The following PTPRF variants were observed in gnomAD, a reference collection of about 807,000 sequenced individuals.
The protein encoded by PTPRF is protein tyrosine phosphatase receptor type F.
In PTPRF, 59 loss-of-function variants were observed where a neutral mutation model predicts 201.8. The ratio of observed to expected loss-of-function variants is 0.29; its 90% CI spans 0.24 to 0.36. The LOEUF (loss-of-function observed/expected upper bound fraction) is 0.36. PTPRF is among the 10% of genes least tolerant of loss of function. The pLI is 1.00. For synonymous variants in PTPRF, 1,088 were observed against 1,089.7 expected, an observed-to-expected ratio of 1.00 and a Z score of 0.03; for missense variants, 2,132 against 2,690.5, an observed-to-expected ratio of 0.79 and a Z score of 4.59.
intron 16 of PTPRF, among the ~76,000 whole-genome samples, chr1:43,604,422 T>A (rs1557831658): frequency 6.6e-6 from 1 of 152,242 alleles, no homozygotes. Context: ...TGATCTCTTG[T>A]GACCTTGACC....
intron 1 of PTPRF, among the ~76,000 whole-genome samples, chr1:43,531,509 C>T (rs1643508520): frequency 6.8e-6 from 1 of 147,132 alleles, no homozygotes; most frequent in Admixed American, 6.7e-5. Context: ...CCCTCAGACC[C>T]CCCAGCCCCG....
chr1:43,548,449 A>T (rs1486677512), intron 3 of PTPRF, among the ~76,000 whole-genome samples: 1 of 151,840 alleles, frequency 6.6e-6, no homozygotes, highest in Admixed American at 6.5e-5. Flanking sequence ...GTCTGTCGTC[A>T]TGCTCTCCCC....
chr1:43,617,533 A>G lies in PTPRF; in HGVS notation c.4160A>G (p.Tyr1387Cys). The G allele has an allele frequency of 6.2e-7, 1 of 1,614,070 alleles. No homozygotes were observed. Among genetic ancestry groups the G allele is most frequent in the Non-Finnish European group, 8.5e-7 (1 of 1,180,010 alleles). Reference protein sequence around the residue: ...PKNRYANVIAYDHSRVILTSI... With the variant: ...PKNRYANVIACDHSRVILTSI... ...AACCGCTATGCGAATGTCATCGCCT[A>G]CGACCACTCTCGAGTCATCCTTACC... Residue 1387 changes from tyrosine to cysteine, a missense_variant, in exon 24 of 34, where the codon TAC (tyrosine) becomes TGC (cysteine). Coordinates refer to ENST00000359947, the MANE Select transcript of PTPRF (RefSeq NM_002840.5).
intron 7 of PTPRF, among the ~76,000 whole-genome samples, chr1:43,584,094 C>T (rs887205958): frequency 1.2e-4 from 18 of 152,120 alleles, no homozygotes; most frequent in Admixed American, 6.5e-5. Flanking sequence ...CTTGGTTTTC[C>T]GCCCCACCCT....
rs1329480906 is a variant in PTPRF, at chr1:43,553,148, G to A, written c.92-344G>A. On this transcript the variant is annotated intron_variant, in intron 3 of 33. Transcript: ENST00000359947. The surrounding 1 kb of genome is among the most constrained non-coding windows in gnomAD (Gnocchi z 4.1). ...CTGGAGCTTGGAATTGATGTGGGGC[G>A]GGCAACAGAAGGGTGCAGTGGTAGT... Among the ~76,000 whole-genome samples the A allele has an allele frequency of 1.3e-5, 2 of 152,234 alleles. No homozygotes were observed. The highest frequency in any genetic ancestry group is 2.1e-4 in the South Asian group (1 of 4,830).
At chr1:43,550,116 C>T (rs1018085608) in intron 3 of PTPRF, among the ~76,000 whole-genome samples, 2 of 151,982 alleles carry the variant, frequency 1.3e-5, no homozygotes, top group Admixed American at 6.6e-5. Context: ...CTGTCTGGTC[C>T]CCCGGGCTGC....
At chr1:43,606,788 G>A in intron 20 of PTPRF, 26 bp from the exon 21 acceptor site, 1 of 1,608,482 alleles carries the variant, frequency 6.2e-7, no homozygotes, top group Non-Finnish European at 8.5e-7. Flanking sequence ...TGAGCTCACA[G>A]CCTGCTGTTC....
intron 3 of PTPRF, among the ~76,000 whole-genome samples, chr1:43,552,467 G>A (rs150640369): frequency 2.7e-4 from 41 of 152,336 alleles, no homozygotes; most frequent in Non-Finnish European, 4.0e-4. Context: ...GGTGCAGAGT[G>A]GGTGCTTGGC....
intron 23 of PTPRF, among the ~76,000 whole-genome samples, chr1:43,614,820 C>T (rs181480053): frequency 6.6e-6 from 1 of 152,122 alleles, no homozygotes. Flanking sequence ...CCATTGCGCT[C>T]CAGCCTGGGT....
intron 5 of PTPRF, among the ~76,000 whole-genome samples, chr1:43,560,461 C>T (rs1332382797): frequency 2.6e-5 from 4 of 151,806 alleles, no homozygotes; most frequent in East Asian, 1.9e-4. Context: ...AGGTGTGCCT[C>T]GGGAGTGTGT....
intron 13 of PTPRF, among the ~76,000 whole-genome samples, chr1:43,601,598 A>G (rs754273392): frequency 1.2e-4 from 19 of 152,236 alleles, no homozygotes; most frequent in African/African-American, 7.2e-5. Context: ...GGAAGGAGAC[A>G]CTGAATAGTC....
At chr1:43,583,094 G>A (rs1648162553) in intron 7 of PTPRF, 1 of 985,622 alleles carries the variant, frequency 1.0e-6, no homozygotes, top group Non-Finnish European at 1.2e-6. Context: ...CAGCGAGAAG[G>A]TTGGTCCTTT....
chr1:43,610,491 G>A (rs750147132), intron 22 of PTPRF, among the ~76,000 whole-genome samples: 19 of 152,250 alleles, frequency 1.2e-4, no homozygotes, highest in Admixed American at 2.6e-4. Flanking sequence ...GCCCTCAGCC[G>A]GAAGACTTGA....
intron 13 of PTPRF, among the ~76,000 whole-genome samples, chr1:43,600,270 G>A (rs1653421961): frequency 6.6e-6 from 1 of 152,184 alleles, no homozygotes. Context: ...GAGGGGGCCA[G>A]TGGCCACAGC....
At chr1:43,604,869 C>A in intron 16 of PTPRF, 34 bp from the exon 17 acceptor site, 1 of 1,590,234 alleles carries the variant, frequency 6.3e-7, no homozygotes, top group South Asian at 1.1e-5. Context: ...ACCTCATATA[C>A]CCAGCAGAGC....
At chr1:43,572,045 G>A (rs1244380995) in intron 6 of PTPRF, among the ~76,000 whole-genome samples, 2 of 152,196 alleles carry the variant, frequency 1.3e-5, no homozygotes, top group African/African-American at 4.8e-5. Flanking sequence ...GAGCTGTGCT[G>A]ACCCGTCCTT....
intron 6 of PTPRF, among the ~76,000 whole-genome samples, chr1:43,570,857 C>T (rs1245019990): frequency 6.6e-6 from 1 of 152,234 alleles, no homozygotes; most frequent in Non-Finnish European, 1.5e-5. Flanking sequence ...TTAATTAAAA[C>T]AGCCATAATC....
At chr1:43,540,419 T>C (rs1257273190) in intron 2 of PTPRF, among the ~76,000 whole-genome samples, 1 of 152,112 alleles carries the variant, frequency 6.6e-6, no homozygotes, top group Non-Finnish European at 1.5e-5. Flanking sequence ...AGGACATTTT[T>C]TTCCAATAGA....
intron 3 of PTPRF, 72 bp downstream of exon 3, chr1:43,545,238 T>C: frequency 6.9e-7 from 1 of 1,454,196 alleles, no homozygotes. Context: ...GACTCTGGGA[T>C]GGGGACAGAC....
Sources: allele counts gnomAD v4.1 joint callset (sites outside exome capture counted in the v4.1 genomes callset), GRCh38; gene constraint gnomAD v4.1.1; non-coding constraint Gnocchi (gnomAD v3.1); transcripts MANE v1.5; gene names NCBI Gene and HGNC (gene_info 2026-07-23, HGNC 2026-07-21).